The following ACSS3 variants were observed in gnomAD, a reference collection of about 807,000 sequenced individuals.
The protein encoded by ACSS3 is acyl-CoA synthetase short-chain family member 3, mitochondrial.
In ACSS3, 64 loss-of-function variants were observed where a neutral mutation model predicts 84.2. The ratio of observed to expected loss-of-function variants is 0.76; its 90% CI spans 0.62 to 0.94. The LOEUF (loss-of-function observed/expected upper bound fraction) is 0.94. Among genes scored for constraint, ACSS3 ranks in the 40% least tolerant of loss-of-function variants. The pLI, the probability that ACSS3 is intolerant of heterozygous loss-of-function variation, is 0.00. For synonymous variants in ACSS3, 317 were observed against 310.1 expected (o/e 1.02, Z -0.23); for missense variants, 815 against 867.6 (o/e 0.94, Z 0.76).
intron 13 of ACSS3, among the ~76,000 whole-genome samples, chr12:81,247,871 T>A (rs148891719): frequency 1.5e-3 from 224 of 152,222 alleles, no homozygotes; most frequent in Non-Finnish European, 1.4e-3. Flanking sequence ...CATATTCCAC[T>A]TTAACTTTTT....
chr12:81,104,964 C>T (rs536743965), intron 1 of ACSS3: 13 of 152,188 alleles, frequency 8.5e-5, no homozygotes, highest in African/African-American at 3.1e-4. Context: ...TTCAGCATAA[C>T]CATCACCCAA....
chr12:81,189,737 T>G (rs2031469406), intron 8 of ACSS3, among the ~76,000 whole-genome samples: 1 of 152,140 alleles, frequency 6.6e-6, no homozygotes. Context: ...ATTACTGCTT[T>G]TCAAGTCTTA....
chr12:81,199,650 T>C, intron 9 of ACSS3: 2 of 1,484,864 alleles, frequency 1.3e-6, no homozygotes, highest in Non-Finnish European at 1.8e-6. Context: ...ACCATTCTCT[T>C]GGTCCCTAGG....
intron 13 of ACSS3, among the ~76,000 whole-genome samples, chr12:81,245,034 C>A (rs2033936943): frequency 6.6e-6 from 1 of 152,026 alleles, no homozygotes; most frequent in African/African-American, 2.4e-5. Flanking sequence ...GTAAGTAGGC[C>A]TTTGCTGGTG....
At chr12:81,230,122 T>C (rs2033408564) in intron 11 of ACSS3, among the ~76,000 whole-genome samples, 1 of 151,888 alleles carries the variant, frequency 6.6e-6, no homozygotes, top group African/African-American at 2.4e-5. Context: ...ACTACGAATT[T>C]ACAACTCCAT....
intron 8 of ACSS3, among the ~76,000 whole-genome samples, chr12:81,177,264 T>G (rs1385508969): frequency 6.6e-6 from 1 of 152,154 alleles, no homozygotes; most frequent in Non-Finnish European, 1.5e-5. Flanking sequence ...AACAAGGATG[T>G]GCACTGTCAC....
At chr12:81,164,907 A>G (rs1887328582) in intron 7 of ACSS3, among the ~76,000 whole-genome samples, 1 of 152,216 alleles carries the variant, frequency 6.6e-6, no homozygotes, top group Admixed American at 6.5e-5. Context: ...GCTAACTAGT[A>G]TATTCAACTG....
Position 81,126,088 on chromosome 12 carries a change from CT to C in ACSS3, c.457-8727del, listed in dbSNP as rs1220663726. On this transcript the variant is annotated intron_variant, in intron 2 of 15. Transcript: ENST00000548058. The stretch of plus-strand genomic sequence containing the variant: ...TAAACTCGATGGGCATAACAAGACT[CT>C]GTATCATGTCTAATATTGTTTCTTC... Among the ~76,000 whole-genome samples, 3 of 152,232 alleles carry C rather than the reference CT, an allele frequency of 2.0e-5. No homozygotes were observed. In the East Asian group the frequency reaches 5.8e-4, roughly 29 times the overall value.
intron 12 of ACSS3, among the ~76,000 whole-genome samples, chr12:81,231,677 A>T (rs908276876): frequency 6.6e-6 from 1 of 151,812 alleles, no homozygotes; most frequent in African/African-American, 2.4e-5. Flanking sequence ...GGACAGAAAC[A>T]GTGTACTCAA....
intron 8 of ACSS3, among the ~76,000 whole-genome samples, chr12:81,198,670 C>T (rs1024216775): frequency 1.3e-5 from 2 of 151,048 alleles, no homozygotes; most frequent in Non-Finnish European, 2.9e-5. Context: ...TTTCCTATTT[C>T]GTTTTTTCCA....
At chr12:81,219,386 A>G (rs1441280936) in intron 10 of ACSS3, among the ~76,000 whole-genome samples, 1 of 152,158 alleles carries the variant, frequency 6.6e-6, no homozygotes, top group Non-Finnish European at 1.5e-5. Context: ...GAATGAGGCC[A>G]CATAAATAAT....
intron 2 of ACSS3, among the ~76,000 whole-genome samples, chr12:81,134,270 T>TA (rs1885674262): frequency 6.6e-6 from 1 of 152,184 alleles, no homozygotes; most frequent in Non-Finnish European, 1.5e-5. Flanking sequence ...TGAACCTTAT[T>TA]ACCTTATCTT....
At chr12:81,083,949 C>G (rs934152653) in intron 1 of ACSS3, among the ~76,000 whole-genome samples, 1 of 152,020 alleles carries the variant, frequency 6.6e-6, no homozygotes, top group Non-Finnish European at 1.5e-5. Context: ...CAGAGTGAGA[C>G]TCTGTCTCAA....
chr12:81,091,722 C>T (rs1007974982), intron 1 of ACSS3, among the ~76,000 whole-genome samples: 1 of 151,766 alleles, frequency 6.6e-6, no homozygotes, highest in Admixed American at 6.6e-5. Flanking sequence ...CGTATAATAC[C>T]ACTCTTAGAT....
intron 8 of ACSS3, among the ~76,000 whole-genome samples, chr12:81,188,860 C>T (rs1447445436): frequency 6.6e-6 from 1 of 152,122 alleles, no homozygotes; most frequent in African/African-American, 2.4e-5. Flanking sequence ...TATAGATACA[C>T]TGTGGAAGGA....
At chr12:81,230,129 C>G (rs922620575) in intron 11 of ACSS3, among the ~76,000 whole-genome samples, 4 of 151,828 alleles carry the variant, frequency 2.6e-5, no homozygotes, top group African/African-American at 9.7e-5. Context: ...ATTTACAACT[C>G]CATTTAGTAT....
intron 7 of ACSS3, among the ~76,000 whole-genome samples, chr12:81,166,300 C>A (rs1282860287): frequency 6.6e-6 from 1 of 152,106 alleles, no homozygotes; most frequent in Non-Finnish European, 1.5e-5. Context: ...CTAGGACAAC[C>A]AATATAATGG....
chr12:81,242,748 A>C (rs1255629835), intron 13 of ACSS3, among the ~76,000 whole-genome samples: 1 of 140,460 alleles, frequency 7.1e-6, no homozygotes, highest in Admixed American at 7.2e-5. Flanking sequence ...ACAGAACCAA[A>C]GACAAAAACC....
At chr12:81,183,668 T>C (rs543778083) in intron 8 of ACSS3, among the ~76,000 whole-genome samples, 1 of 152,114 alleles carries the variant, frequency 6.6e-6, no homozygotes, top group African/African-American at 2.4e-5. Context: ...TCTGATAAAA[T>C]AGACTTCAAA....
Sources: allele counts gnomAD v4.1 joint callset (sites outside exome capture counted in the v4.1 genomes callset), GRCh38; gene constraint gnomAD v4.1.1; transcripts MANE v1.5; gene names NCBI Gene and HGNC (gene_info 2026-07-23, HGNC 2026-07-21).